CSK: variants seen among roughly 807,000 people sequenced by gnomAD.
CSK encodes the protein C-terminal Src kinase.
CSK carries 7 observed loss-of-function variants against 62.3 expected under a neutral mutation model. The ratio of observed to expected loss-of-function variants is 0.11; its 90% confidence interval spans 0.06 to 0.21. The LOEUF (loss-of-function observed/expected upper bound fraction) is 0.21. CSK is among the 10% of genes least tolerant of loss of function. CSK has a pLI of 1.00. For missense variants in CSK, 294 were observed against 613.5 expected, an observed-to-expected ratio of 0.48 and a Z score of 5.50; for synonymous variants, 237 against 246.0, an observed-to-expected ratio of 0.96 and a Z score of 0.34.
chr15:74,801,027 C>A lies in CSK; in HGVS notation c.738C>A (p.Ser246Arg). The A allele has an allele frequency of 5.6e-6, 9 of 1,613,372 alleles. No individual in the cohort carries two copies. Among genetic ancestry groups the A allele is most frequent in the Non-Finnish European group, 7.6e-6 (9 of 1,180,016 alleles). ...CCTGCCCCAGGCAACTGCGGCATAG[C>A]AACCTGGTGCAGCTCCTGGGCGTGA... ...EASVMTQLRH[S>R]NLVQLLGVIV... The change falls in exon 9 of 13, where the codon AGC (serine) becomes AGA (arginine). Residue 246 changes from serine to arginine, a missense_variant. Ser to Arg is a moderately radical substitution (Grantham distance 110). Coordinates refer to ENST00000220003, the MANE Select transcript of CSK (RefSeq NM_004383.3).
chr15:74,796,621 G>A (rs11635664), intron 1 of CSK, among the ~76,000 whole-genome samples: 22 of 150,418 alleles, frequency 1.5e-4, no homozygotes, highest in Non-Finnish European at 2.4e-4. Flanking sequence ...AAAAGAAAAA[G>A]AAAAAATCCA....
Position 74,798,441 on chromosome 15 carries a change from G to C in CSK, c.15+129G>C, listed in dbSNP as rs1233605576. On this transcript the variant is annotated intron_variant, in intron 2 of 12. Transcript: ENST00000220003. This position sits in a 1 kb window ranked among gnomAD's most constrained non-coding sequence, Gnocchi z 6.6. ...TTTTCCCAGCACTCAGTCAGGTACA[G>C]GCCTGGGGAAGTGGGGGAGTCTCAA... 19 of 1,353,602 alleles carry C rather than the reference G, an allele frequency of 1.4e-5. No homozygotes were observed. The East Asian group carries it at 2.7e-4, about 20-fold the overall frequency. 83.8% of individuals were successfully genotyped at this position (1,353,602 alleles called of 1,614,324 possible).
At chr15:74,789,372 A>G (rs1218303086) in intron 1 of CSK, among the ~76,000 whole-genome samples, 1 of 152,196 alleles carries the variant, frequency 6.6e-6, no homozygotes, top group East Asian at 1.9e-4. Context: ...AGGGACCACC[A>G]GCGCAGGCTG....
At chr15:74,795,316 G>T (rs2063688136) in intron 1 of CSK, among the ~76,000 whole-genome samples, 1 of 152,084 alleles carries the variant, frequency 6.6e-6, no homozygotes, top group Non-Finnish European at 1.5e-5. Context: ...TCCAGCCTGG[G>T]CAACAGAGCA....
chr15:74,783,666 CTGCAGAGGGCTGGAGGGAG>C (rs1339235073), intron 1 of CSK, among the ~76,000 whole-genome samples: 1 of 152,212 alleles, frequency 6.6e-6, no homozygotes, highest in African/African-American at 2.4e-5. Flanking sequence ...ACGTGCTTCC[CTGCAGAGGGCTGGAGGGAG>C]TGAAAGGGCT....
intron 1 of CSK, among the ~76,000 whole-genome samples, chr15:74,785,428 A>C (rs2063500522): frequency 6.6e-6 from 1 of 152,182 alleles, no homozygotes; most frequent in Non-Finnish European, 1.5e-5. Context: ...GTTGGAGGGC[A>C]CAAGCAACTT....
At position 74,801,503 on chromosome 15, in the gene CSK, C is replaced by A. The variant is rs961559669; in HGVS notation, c.814-19C>A. 6.8e-6 allele frequency: 11 copies of A among 1,607,332 alleles called. No homozygotes were observed. The highest frequency in any genetic ancestry group is 9.4e-6 in the Non-Finnish European group (11 of 1,175,928). On this transcript the variant is annotated intron_variant, in intron 9 of 12. Transcript: ENST00000220003. ...AGGGCACGTCTGACCTCGGCCTGGT[C>A]TGTCCTTCCTGCCCCCAGGGGAGCC...
chr15:74,801,944 T>TCC, intron 11 of CSK, 53 bp from the exon 12 acceptor site: 3 of 1,610,210 alleles, frequency 1.9e-6, no homozygotes, highest in Non-Finnish European at 2.5e-6. Context: ...CCTGGGTCAC[T>TCC]CCCCACCCTG....
At chr15:74,787,447 C>T (rs1458374382) in intron 1 of CSK, among the ~76,000 whole-genome samples, 1 of 152,078 alleles carries the variant, frequency 6.6e-6, no homozygotes, top group Non-Finnish European at 1.5e-5. Context: ...AAAAAAATCC[C>T]ATTTTTCCCA....
chr15:74,798,529 C>T lies in CSK; in HGVS notation c.16-86C>T. 1 of 1,359,800 alleles carries T rather than the reference C, an allele frequency of 7.4e-7. No individual in the cohort carries two copies. The highest frequency in any genetic ancestry group is 1.0e-6 in the Non-Finnish European group (1 of 965,358). 84.2% of individuals were successfully genotyped at this position (1,359,800 alleles called of 1,614,324 possible). Reference sequence around the variant, plus strand: ...CCTCACCCAGGCTCACAGAGGCCAGCTCAGAGGCTGTGACCACGAGGGTGC... The same window carrying T: ...CCTCACCCAGGCTCACAGAGGCCAGTTCAGAGGCTGTGACCACGAGGGTGC... On this transcript the variant is annotated intron_variant, in intron 2 of 12. Coordinates refer to ENST00000220003, the MANE Select transcript of CSK (RefSeq NM_004383.3). This position sits in a 1 kb window ranked among gnomAD's most constrained non-coding sequence, Gnocchi z 6.6.
At position 74,782,955 on chromosome 15, in the gene CSK, TCTC is replaced by T. The variant is rs2063459215; in HGVS notation, c.-66+236_-66+238del. On this transcript the variant is annotated intron_variant, in intron 1 of 12. Transcript: ENST00000220003. The surrounding 1 kb of genome is among the most constrained non-coding windows in gnomAD (Gnocchi z 5.7). The stretch of plus-strand genomic sequence containing the variant: ...GCCCTGCAGCTCCACGGACTCGTCT[TCTC>T]GGGTCATCCCGAGTCCCCCCCTCTG... 6.6e-6 allele frequency among the ~76,000 whole-genome samples: 1 copy of T among 152,240 alleles called. No individual in the cohort carries two copies. Among genetic ancestry groups the T allele is most frequent in the African/African-American group, 2.4e-5 (1 of 41,462 alleles).
Position 74,798,276 on chromosome 15 carries a change from G to C in CSK, c.-22G>C. 6.4e-7 allele frequency: 1 copy of C among 1,556,138 alleles called. No homozygotes were observed. The highest frequency in any genetic ancestry group is 8.7e-7 in the Non-Finnish European group (1 of 1,150,872). On this transcript the variant is annotated 5_prime_UTR_variant, in exon 2 of 13. Transcript: ENST00000220003. The surrounding 1 kb of genome is among the most constrained non-coding windows in gnomAD (Gnocchi z 6.6). ...ACAGGTTGGCTTTACTGTGACTCGG[G>C]GACGCCAGAGCTCCTGAGAAGATGT... is the stretch of plus-strand genomic sequence containing the variant.
In CSK at chr15:74,802,903, G is replaced by A; in HGVS notation, c.*390G>A. The A allele has an allele frequency of 5.1e-6, 1 of 196,986 alleles. No homozygotes were observed. The highest frequency in any genetic ancestry group is 1.0e-5 in the Non-Finnish European group (1 of 97,084). 12.2% of individuals were successfully genotyped at this position (196,986 alleles called of 1,614,324 possible). On this transcript the variant is annotated 3_prime_UTR_variant, in exon 13 of 13. Coordinates refer to ENST00000220003, the MANE Select transcript of CSK (RefSeq NM_004383.3). ...CCAGCAAATGGGCATTTTACAAGAA[G>A]TACGAATCTTATTTTTCCTGTCCTG... is the stretch of plus-strand genomic sequence containing the variant.
chr15:74,800,953 G>A lies in CSK; in HGVS notation c.722+31G>A, dbSNP rs1252859592. ...TGGGGGCGGGGTAGGGGGGAGGTTG[G>A]CCTAGGTTAGGAGTGAGGCACCAGC... On this transcript the variant is annotated intron_variant, in intron 8 of 12. Coordinates refer to ENST00000220003, the MANE Select transcript of CSK (RefSeq NM_004383.3). The A allele has an allele frequency of 3.1e-6, 5 of 1,612,874 alleles. No individual in the cohort carries two copies. In the South Asian group the frequency reaches 4.4e-5, roughly 14 times the overall value.
intron 1 of CSK, among the ~76,000 whole-genome samples, chr15:74,790,081 G>A (rs1436832421): frequency 1.3e-5 from 2 of 152,236 alleles, no homozygotes; most frequent in Admixed American, 1.3e-4. Context: ...GAGAAGGCAA[G>A]GTGGACCTTG....
intron 1 of CSK, among the ~76,000 whole-genome samples, chr15:74,794,901 G>A (rs568523327): frequency 4.6e-5 from 7 of 152,240 alleles, no homozygotes; most frequent in African/African-American, 1.4e-4. Context: ...CCTCACATTG[G>A]CAGTGGAAGT....
At chr15:74,799,919 G>A (rs1375429632) in intron 5 of CSK, among the ~76,000 whole-genome samples, 3 of 152,150 alleles carry the variant, frequency 2.0e-5, no homozygotes, top group South Asian at 2.1e-4. Context: ...TGAGGCTCTC[G>A]CACCTGCACG....
In CSK at chr15:74,801,592, C is replaced by T. The variant is rs1450915839; in HGVS notation, c.884C>T (p.Ser295Leu). Residue 295 changes from serine (S) to leucine (L), a missense_variant, in exon 10 of 13, where the codon TCG becomes TTG. Ser to Leu is a moderately radical substitution (Grantham distance 145). This residue lies in a region of CSK where 202 missense variants were observed against 415.7 expected (regional missense o/e 0.49). Transcript: ENST00000220003. ...GGCGGAGACTGTCTCCTCAAGTTCTCGCTGTGAGTGAAGCAGCCTCTTGGA... is the reference window on the plus strand; with the variant it reads ...GGCGGAGACTGTCTCCTCAAGTTCTTGCTGTGAGTGAAGCAGCCTCTTGGA... Reference protein sequence around the residue: ...VLGGDCLLKFSLDVCEAMEYL... With the variant: ...VLGGDCLLKFLLDVCEAMEYL... 1.2e-6 allele frequency: 2 copies of T among 1,613,876 alleles called. No homozygotes were observed. The highest frequency in any genetic ancestry group is 8.5e-7 in the Non-Finnish European group (1 of 1,179,874).
In CSK at chr15:74,782,820, C is replaced by G. The variant is rs2063456808; in HGVS notation, c.-66+100C>G. 1 of 152,446 alleles carries G rather than the reference C, an allele frequency of 6.6e-6. No individual in the cohort carries two copies. 9.4% of individuals were successfully genotyped at this position (152,446 alleles called of 1,614,324 possible). A position where few individuals can be genotyped will look rare whatever the true frequency, so the allele number is the denominator to read the frequency against. ...CCACTGTCGCGTCCACTCCCATTCCCCTCTTCTCCCACTTCTCCCTTCTCT... is the reference window on the plus strand; with the variant it reads ...CCACTGTCGCGTCCACTCCCATTCCGCTCTTCTCCCACTTCTCCCTTCTCT... On this transcript the variant is annotated intron_variant, in intron 1 of 12. Transcript: ENST00000220003. The surrounding 1 kb of genome is among the most constrained non-coding windows in gnomAD (Gnocchi z 5.7).
Sources: gnomAD v4.1 joint callset for allele counts (sites outside exome capture counted in the v4.1 genomes callset) on GRCh38, gnomAD v4.1.1 for gene constraint, gnomAD v4.1.1 regional missense constraint, Gnocchi (gnomAD v3.1) non-coding constraint, MANE v1.5 for transcripts, NCBI Gene and HGNC (gene_info 2026-07-23, HGNC 2026-07-21) for gene names.